The following RGS6 variants were observed in gnomAD, a reference collection of about 807,000 sequenced individuals.
RGS6 encodes regulator of G protein signaling 6, also known as regulator of G-protein signaling 6.
Under a neutral mutation model 78.5 loss-of-function variants are expected in RGS6, and 30 were observed. The ratio of observed to expected loss-of-function variants is 0.38; its 90% CI spans 0.29 to 0.52. The LOEUF (loss-of-function observed/expected upper bound fraction) is 0.52. RGS6 is among the 20% of genes least tolerant of loss of function. The pLI is 0.85. For missense variants in RGS6, 495 were observed against 609.7 expected, an observed-to-expected ratio of 0.81 and a Z score of 1.98; for synonymous variants, 206 against 206.0, an observed-to-expected ratio of 1.00 and a Z score of 0.00.
At chr14:72,619,190 C>T in the RGS6 span, 1 of 1,133,082 alleles carries the variant, frequency 8.8e-7, no homozygotes, top group Non-Finnish European at 1.2e-6. Flanking sequence ...TATTTCTTTT[C>T]CTTGCAGTTG....
chr14:72,156,919 A>G (rs1382044478), intron 2 of RGS6, among the ~76,000 whole-genome samples: 1 of 152,118 alleles, frequency 6.6e-6, no homozygotes, highest in Non-Finnish European at 1.5e-5. Context: ...TTTCATGCCA[A>G]CCAAGACTGA....
the RGS6 span, among the ~76,000 whole-genome samples, chr14:72,600,814 G>A: frequency 3.3e-5 from 5 of 152,244 alleles, no homozygotes; most frequent in Admixed American, 2.6e-4. Context: ...GGCCATCCCA[G>A]CTTCCCAGCC....
At chr14:72,419,378 G>T (rs1185567232) in intron 3 of RGS6, among the ~76,000 whole-genome samples, 2 of 152,168 alleles carry the variant, frequency 1.3e-5, no homozygotes, top group African/African-American at 4.8e-5. Flanking sequence ...TCAGCAACTT[G>T]TCCAAGCTCT....
chr14:71,991,525 AT>A (rs956291464), intron 2 of RGS6, among the ~76,000 whole-genome samples: 93 of 152,058 alleles, frequency 6.1e-4, no homozygotes, highest in African/African-American at 2.0e-3. Flanking sequence ...CTTCTTTTAT[AT>A]TTTTTTTCTT....
intron 17 of RGS6, among the ~76,000 whole-genome samples, chr14:72,558,216 G>C (rs1269987692): frequency 2.6e-5 from 4 of 152,130 alleles, no homozygotes; most frequent in Admixed American, 2.6e-4. Context: ...GCAGACTTGA[G>C]ATCTGTAACT....
chr14:72,446,821 A>G (rs1165019127), intron 3 of RGS6, among the ~76,000 whole-genome samples: 1 of 152,192 alleles, frequency 6.6e-6, no homozygotes, highest in Non-Finnish European at 1.5e-5. Context: ...TGGCATGCAC[A>G]GTTCACAATA....
chr14:72,386,104 C>T (rs1419117491), intron 3 of RGS6, among the ~76,000 whole-genome samples: 1 of 152,122 alleles, frequency 6.6e-6, no homozygotes, highest in Non-Finnish European at 1.5e-5. Flanking sequence ...AGGAAGAAAC[C>T]CAGTGTCATG....
At chr14:72,037,508 C>G (rs994102822) in intron 2 of RGS6, among the ~76,000 whole-genome samples, 3 of 152,166 alleles carry the variant, frequency 2.0e-5, no homozygotes, top group Admixed American at 1.3e-4. Context: ...CCACGAAGGT[C>G]CCAATTCTTG....
chr14:72,221,321 C>T (rs562877081), intron 2 of RGS6, among the ~76,000 whole-genome samples: 1 of 152,146 alleles, frequency 6.6e-6, no homozygotes, highest in Non-Finnish European at 1.5e-5. Flanking sequence ...TGCAATGGCT[C>T]TAGTAGAATA....
At chr14:72,230,261 G>A (rs555254100) in intron 2 of RGS6, among the ~76,000 whole-genome samples, 5 of 152,318 alleles carry the variant, frequency 3.3e-5, no homozygotes, top group African/African-American at 1.2e-4. Context: ...TGTCTCTTGG[G>A]AGTTATGGTC....
At chr14:72,440,992 G>C (rs2095173820) in intron 3 of RGS6, among the ~76,000 whole-genome samples, 2 of 152,048 alleles carry the variant, frequency 1.3e-5, no homozygotes, top group East Asian at 3.9e-4. Flanking sequence ...TGTGCAGGTG[G>C]GTATGAGTTA....
intron 2 of RGS6, among the ~76,000 whole-genome samples, chr14:72,047,819 G>A (rs1353418747): frequency 2.0e-5 from 3 of 151,132 alleles, no homozygotes; most frequent in Non-Finnish European, 2.9e-5. Flanking sequence ...TCTGCCTCCC[G>A]AGTTCAAGTG....
chr14:71,975,451 T>C (rs1171002112), intron 2 of RGS6, among the ~76,000 whole-genome samples: 2 of 151,990 alleles, frequency 1.3e-5, no homozygotes, highest in African/African-American at 4.8e-5. Context: ...TTTTATTTGG[T>C]TGGTGCTTGG....
In RGS6 at chr14:72,137,070, G is replaced by A. The variant is rs189831286; in HGVS notation, c.84+172195G>A. Among the ~76,000 whole-genome samples the A allele has an allele frequency of 1.1e-3, 171 of 152,252 alleles. 1 individual carries two copies. The highest frequency in any genetic ancestry group is 4.0e-3 in the African/African-American group (168 of 41,534). ...TTTTTAAACAAAGGAAAGCCACTCA[G>A]ATCACAGTAGCTCATGGACATTGGT... On this transcript the variant is annotated intron_variant, in intron 2 of 17. Transcript: ENST00000553525.
intron 2 of RGS6, among the ~76,000 whole-genome samples, chr14:72,032,553 C>T (rs974006876): frequency 6.6e-6 from 1 of 152,132 alleles, no homozygotes. Context: ...CCACAGATCT[C>T]TGGAAACCTC....
chr14:71,995,150 C>T (rs1262704873), intron 2 of RGS6, among the ~76,000 whole-genome samples: 2 of 152,174 alleles, frequency 1.3e-5, no homozygotes, highest in Non-Finnish European at 2.9e-5. Flanking sequence ...CCCCTTTTCC[C>T]TCATAAGCCC....
chr14:71,967,277 G>A (rs1405902778), intron 2 of RGS6, among the ~76,000 whole-genome samples: 1 of 151,692 alleles, frequency 6.6e-6, no homozygotes, highest in Non-Finnish European at 1.5e-5. Context: ...CTGTTAGAAA[G>A]AAGACACACT....
chr14:72,530,426 G>A (rs1403634466), intron 15 of RGS6, among the ~76,000 whole-genome samples: 1 of 152,218 alleles, frequency 6.6e-6, no homozygotes, highest in Non-Finnish European at 1.5e-5. Context: ...GGTGGCTCAT[G>A]GCTGTAATCC....
Position 72,562,400 on chromosome 14 carries a change from T to A in RGS6, c.1423-17T>A. ...GTGTGCGCCTGTGCGTGCCTCTCTG[T>A]CGCTGTCTCTCTGCAGGGAAAGTCG... On this transcript the variant is annotated splice_polypyrimidine_tract_variant and intron_variant, in intron 17 of 17. Coordinates refer to ENST00000553525, the MANE Select transcript of RGS6 (RefSeq NM_001204424.2). 2 of 1,611,686 alleles carry A rather than the reference T, an allele frequency of 1.2e-6. No homozygotes were observed. The highest frequency in any genetic ancestry group is 8.5e-7 in the Non-Finnish European group (1 of 1,179,684).
Sources: gnomAD v4.1 joint callset for allele counts (sites outside exome capture counted in the v4.1 genomes callset) on GRCh38, gnomAD v4.1.1 for gene constraint, MANE v1.5 for transcripts, NCBI Gene and HGNC (gene_info 2026-07-23, HGNC 2026-07-21) for gene names.